Variants in UGT2A2 observed in about 807,000 individuals in gnomAD.
The protein encoded by UGT2A2 is UDP-glucuronosyltransferase 2A2.
Under a neutral mutation model 50.7 loss-of-function variants are expected in UGT2A2, and 60 were observed. The observed-to-expected ratio is 1.18, with a 90% confidence interval of 0.96 to 1.47. The LOEUF is 1.47. Among genes scored for constraint, UGT2A2 ranks in the 40% most tolerant of loss-of-function variants. The pLI, the probability that UGT2A2 is intolerant of heterozygous loss-of-function variation, is 0.00. For synonymous variants in UGT2A2, 242 were observed against 214.6 expected, an observed-to-expected ratio of 1.13 and a Z score of -1.11; for missense variants, 762 against 634.0, an observed-to-expected ratio of 1.20 and a Z score of -2.17.
intron 1 of UGT2A2, among the ~76,000 whole-genome samples, chr4:69,613,844 T>TA (rs1207530140): frequency 6.6e-6 from 1 of 151,946 alleles, no homozygotes; most frequent in African/African-American, 2.4e-5. Context: ...ATAAAAGCCA[T>TA]AAACCGCAAA....
intron 1 of UGT2A2, among the ~76,000 whole-genome samples, chr4:69,611,139 G>T (rs1357484020): frequency 8.6e-5 from 13 of 151,464 alleles, no homozygotes; most frequent in Admixed American, 8.6e-4. Flanking sequence ...CTGTTTTTTG[G>T]GTTTTTGTTT....
intron 1 of UGT2A2, among the ~76,000 whole-genome samples, chr4:69,622,809 A>G: frequency 6.6e-6 from 1 of 151,780 alleles, no homozygotes; most frequent in East Asian, 1.9e-4. Flanking sequence ...AGGTCCTCAA[A>G]CACATTCATC....
intron 1 of UGT2A2, among the ~76,000 whole-genome samples, chr4:69,627,215 A>C (rs28568390): frequency 0.041 from 6,196 of 151,892 alleles, 152 homozygotes; most frequent in East Asian, 0.069. Flanking sequence ...ATGTTTACCT[A>C]TTTGATAAGT....
rs770500398 is a variant in UGT2A2 at position 69,639,243 on chromosome 4, T to G, written c.398A>C (p.Gln133Pro). The G allele has an allele frequency of 1.1e-5, 18 of 1,613,694 alleles. 1 individual carries two copies. Among genetic ancestry groups the G allele is most frequent in the Non-Finnish European group, 1.4e-5 (16 of 1,179,750 alleles). Residue 133 changes from glutamine (Q) to proline (P), a missense_variant, in exon 1 of 6, where the codon CAA becomes CCA. Transcript: ENST00000604629. ...GTTCTTTAGTACACCATCACAGAGT[T>G]GTATGTTAATTTGAAAGAAAGTGTC... The part of the protein sequence containing the change: ...LLDTFFQINI[Q>P]LCDGVLKNPK...
chr4:69,600,800 C>A (rs1469223897), intron 1 of UGT2A2, among the ~76,000 whole-genome samples: 1 of 134,154 alleles, frequency 7.5e-6, no homozygotes, highest in Non-Finnish European at 1.6e-5. Flanking sequence ...GGCAAAGGTG[C>A]TATACACTTA....
chr4:69,618,326 G>A (rs1276854545), intron 1 of UGT2A2, among the ~76,000 whole-genome samples: 1 of 142,062 alleles, frequency 7.0e-6, no homozygotes, highest in Non-Finnish European at 1.6e-5. Context: ...ATTAAATTAA[G>A]TCCAACCAGT....
At chr4:69,622,616 G>A (rs1720816606) in intron 1 of UGT2A2, among the ~76,000 whole-genome samples, 1 of 151,606 alleles carries the variant, frequency 6.6e-6, no homozygotes, top group Admixed American at 6.6e-5. Context: ...ATATGCATTG[G>A]ATATTGTACT....
At chr4:69,596,773 T>C (rs968745507) in intron 2 of UGT2A2, among the ~76,000 whole-genome samples, 12 of 152,160 alleles carry the variant, frequency 7.9e-5, no homozygotes, top group African/African-American at 2.9e-4. Context: ...CCACCTGCCT[T>C]GGTCTCCCAA....
chr4:69,594,453 G>T, intron 5 of UGT2A2, 24 bp downstream of exon 5: 1 of 1,608,012 alleles, frequency 6.2e-7, no homozygotes, highest in Non-Finnish European at 8.5e-7. Context: ...AGTTAGGCAA[G>T]TTTTTAGGAG....
At position 69,631,468 on chromosome 4, in the gene UGT2A2, G is replaced by A. The variant is rs537969529; in HGVS notation, c.742+7431C>T. On this transcript the variant is annotated intron_variant, in intron 1 of 5. Coordinates refer to ENST00000604629, the MANE Select transcript of UGT2A2 (RefSeq NM_001105677.2). ...AACTAAACTGAAGATTATAGCACAAGAAAGTAGGCTGTCAACAGATTTACT... is the reference window on the plus strand; with the variant it reads ...AACTAAACTGAAGATTATAGCACAAAAAAGTAGGCTGTCAACAGATTTACT... Among the ~76,000 whole-genome samples the A allele has an allele frequency of 1.8e-4, 27 of 152,202 alleles. No individual in the cohort carries two copies. The South Asian group carries it at 5.6e-3, about 32-fold the overall frequency.
intron 1 of UGT2A2, among the ~76,000 whole-genome samples, chr4:69,615,884 A>G (rs910327426): frequency 6.6e-6 from 1 of 152,022 alleles, no homozygotes; most frequent in African/African-American, 2.4e-5. Context: ...AAACTACCAT[A>G]TGATCCGACA....
chr4:69,597,813 T>C (rs1441262253), intron 2 of UGT2A2, among the ~76,000 whole-genome samples: 1 of 152,152 alleles, frequency 6.6e-6, no homozygotes, highest in Non-Finnish European at 1.5e-5. Context: ...TTGTTGTTTT[T>C]GTATTCTGTG....
rs550540170 is a variant in UGT2A2 at position 69,637,803 on chromosome 4, C to T, written c.742+1096G>A. On this transcript the variant is annotated intron_variant, in intron 1 of 5. Transcript: ENST00000604629. ...TATTGTTGTATTCCTACCACTTAGA[C>T]AAGTTGTAGGAACTAGGTTGGCATT... Among the ~76,000 whole-genome samples the T allele has an allele frequency of 4.6e-5, 7 of 151,996 alleles. No individual in the cohort carries two copies. In the South Asian group the frequency reaches 1.5e-3, roughly 32 times the overall value.
chr4:69,599,577 G>C, intron 1 of UGT2A2, 183 bp from the exon 2 acceptor site: 1 of 860,876 alleles, frequency 1.2e-6, no homozygotes, highest in East Asian at 3.3e-5. Flanking sequence ...AGAAAGGAAG[G>C]AGGAAGGAAG....
intron 1 of UGT2A2, among the ~76,000 whole-genome samples, chr4:69,627,598 A>AAAAGAAAGAAAGAAAGAAAG (rs143064060): frequency 2.7e-5 from 4 of 149,112 alleles, no homozygotes; most frequent in African/African-American, 9.9e-5. Flanking sequence ...AAGAAGAAAG[A>AAAAGAAAGAAAGAAAGAAAG]AAAGAAAGAA....
intron 2 of UGT2A2, among the ~76,000 whole-genome samples, chr4:69,597,682 T>G (rs1409009820): frequency 1.3e-5 from 2 of 152,050 alleles, no homozygotes; most frequent in African/African-American, 4.8e-5. Context: ...CCATTTTGAT[T>G]TATTTTCCAA....
At chr4:69,606,491 T>C (rs1305549364) in intron 1 of UGT2A2, among the ~76,000 whole-genome samples, 4 of 135,996 alleles carry the variant, frequency 2.9e-5, no homozygotes, top group East Asian at 2.1e-4. Flanking sequence ...AAACTGGAAG[T>C]ATTCCCTTTG....
intron 1 of UGT2A2, among the ~76,000 whole-genome samples, chr4:69,612,989 G>C (rs1720159097): frequency 6.8e-6 from 1 of 147,904 alleles, no homozygotes; most frequent in Non-Finnish European, 1.5e-5. Context: ...ATTTAATAAA[G>C]GTCTAATATC....
chr4:69,589,758 G>A (rs936340637), intron 5 of UGT2A2, 107 bp from the exon 6 acceptor site: 138 of 1,446,094 alleles, frequency 9.5e-5, no homozygotes, highest in South Asian at 3.3e-4. Context: ...CCATAGTTAC[G>A]TGGAGAAAAT....
Sources: allele counts gnomAD v4.1 joint callset (sites outside exome capture counted in the v4.1 genomes callset), GRCh38; gene constraint gnomAD v4.1.1; transcripts MANE v1.5; gene names NCBI Gene and HGNC (gene_info 2026-07-23, HGNC 2026-07-21).